ZNF385D: variants seen among roughly 807,000 people sequenced by gnomAD.
The protein encoded by ZNF385D is zinc finger protein 385D.
A neutral mutation model predicts 35.8 loss-of-function variants in ZNF385D; 15 were observed. The observed-to-expected ratio is 0.42, with a 90% CI of 0.28 to 0.64. The LOEUF is 0.64. Among genes scored for constraint, ZNF385D ranks in the 30% least tolerant of loss-of-function variants. The pLI is 0.23. For synonymous variants in ZNF385D, 212 were observed against 186.8 expected, an observed-to-expected ratio of 1.13 and a Z score of -1.10; for missense variants, 474 against 494.6, an observed-to-expected ratio of 0.96 and a Z score of 0.39.
upstream of ZNF385D, among the ~76,000 whole-genome samples, chr3:21,755,658 G>A (rs781190933): frequency 6.6e-6 from 1 of 152,102 alleles, no homozygotes; most frequent in East Asian, 1.9e-4. Context: ...AACTTAGTGT[G>A]GGAATTTGCC....
chr3:22,163,995 A>G (rs867390115), intron 3 of ZNF385D, among the ~76,000 whole-genome samples: 1 of 152,192 alleles, frequency 6.6e-6, no homozygotes. Context: ...ACCACTAATA[A>G]CTGTGTAAGG....
At chr3:21,781,899 G>A (rs963397779) in intron 3 of ZNF385D, among the ~76,000 whole-genome samples, 4 of 152,004 alleles carry the variant, frequency 2.6e-5, no homozygotes, top group African/African-American at 9.7e-5. Flanking sequence ...TTAAGTGAAA[G>A]CTCAAAGGGC....
intron 2 of ZNF385D, among the ~76,000 whole-genome samples, chr3:22,312,909 C>A (rs1257707120): frequency 7.9e-6 from 1 of 127,192 alleles, no homozygotes; most frequent in Admixed American, 7.8e-5. Context: ...TGGGTATATA[C>A]CCAAAGGACT....
At chr3:21,657,198 A>G (rs6762678) in intron 2 of ZNF385D, among the ~76,000 whole-genome samples, 18,756 of 151,942 alleles carry the variant, frequency 0.12, 1,291 homozygotes, top group East Asian at 0.16. Flanking sequence ...TTAAGAGAGA[A>G]CTAAGTTGCA....
intron 4 of ZNF385D, among the ~76,000 whole-genome samples, chr3:21,442,689 TA>T (rs1480818334): frequency 2.8e-5 from 4 of 145,436 alleles, no homozygotes; most frequent in Non-Finnish European, 6.0e-5. Flanking sequence ...TCTTGTAAAA[TA>T]AAAAAAGTTC....
At chr3:21,908,377 G>C (rs964504746) in intron 3 of ZNF385D, among the ~76,000 whole-genome samples, 1 of 152,038 alleles carries the variant, frequency 6.6e-6, no homozygotes, top group South Asian at 2.1e-4. Context: ...TATTGAGATT[G>C]GTATTATGCT....
chr3:22,364,110 C>G (rs1696541923), intron 2 of ZNF385D, among the ~76,000 whole-genome samples: 2 of 151,962 alleles, frequency 1.3e-5, no homozygotes, highest in African/African-American at 4.8e-5. Flanking sequence ...ATTCTAGGCT[C>G]TTATTTTTTT....
At chr3:21,489,227 C>G (rs1047092379) in intron 4 of ZNF385D, among the ~76,000 whole-genome samples, 3 of 152,062 alleles carry the variant, frequency 2.0e-5, no homozygotes, top group East Asian at 3.9e-4. Context: ...AGAGTCTACA[C>G]GGTCCAGGAA....
chr3:21,697,361 G>C (rs2067507490), intron 1 of ZNF385D, among the ~76,000 whole-genome samples: 1 of 152,142 alleles, frequency 6.6e-6, no homozygotes, highest in Non-Finnish European at 1.5e-5. Context: ...ATAGTGGTAA[G>C]TTGAATTCTG....
chr3:21,883,070 A>AC (rs1698360434), intron 3 of ZNF385D, among the ~76,000 whole-genome samples: 1 of 151,986 alleles, frequency 6.6e-6, no homozygotes, highest in Non-Finnish European at 1.5e-5. Context: ...TTTGTCTCCT[A>AC]CCACTTTAAG....
intron 1 of ZNF385D, among the ~76,000 whole-genome samples, chr3:21,680,643 C>A (rs2066869749): frequency 1.3e-5 from 2 of 152,156 alleles, no homozygotes; most frequent in Non-Finnish European, 2.9e-5. Context: ...GGACTAGAAT[C>A]ATGGCCATTC....
intron 3 of ZNF385D, among the ~76,000 whole-genome samples, chr3:21,837,329 C>G (rs1052614764): frequency 6.6e-6 from 1 of 152,052 alleles, no homozygotes; most frequent in African/African-American, 2.4e-5. Flanking sequence ...GGGTTGTCTG[C>G]AAGGTCCTTG....
intron 3 of ZNF385D, among the ~76,000 whole-genome samples, chr3:22,037,413 G>A (rs1227567857): frequency 6.6e-6 from 1 of 151,942 alleles, no homozygotes; most frequent in African/African-American, 2.4e-5. Flanking sequence ...TCTAACTGGT[G>A]TGAGATGGTA....
intron 2 of ZNF385D, among the ~76,000 whole-genome samples, chr3:21,574,709 A>T (rs1483315272): frequency 1.3e-5 from 2 of 152,146 alleles, no homozygotes; most frequent in Admixed American, 1.3e-4. Context: ...ATGAAATAAG[A>T]TTGGTCCTGA....
chr3:21,590,875 C>T (rs2063954901), intron 2 of ZNF385D, among the ~76,000 whole-genome samples: 1 of 151,862 alleles, frequency 6.6e-6, no homozygotes, highest in African/African-American at 2.4e-5. Context: ...ACATGCTGGA[C>T]CTGGTAACCG....
intron 2 of ZNF385D, among the ~76,000 whole-genome samples, chr3:22,221,919 A>C (rs1012267365): frequency 2.6e-5 from 4 of 152,140 alleles, no homozygotes; most frequent in African/African-American, 9.7e-5. Context: ...GCATACAGAG[A>C]AACCATAGGT....
chr3:21,722,980 A>G lies in ZNF385D; in HGVS notation c.22+27915T>C, dbSNP rs1425641691. On this transcript the variant is annotated intron_variant, in intron 1 of 7. Coordinates refer to ENST00000281523, the MANE Select transcript of ZNF385D (RefSeq NM_024697.3). ...TACAGCTCTTTGAGTCCTAGCTCAC[A>G]TATTTGTCACCCAGCCATGTGCTTC... is the stretch of plus-strand genomic sequence containing the variant. Among the ~76,000 whole-genome samples, 3 of 152,304 alleles carry G rather than the reference A, an allele frequency of 2.0e-5. No homozygotes were observed. In the South Asian group the frequency reaches 6.2e-4, roughly 32 times the overall value.
chr3:21,813,012 A>C, intron 3 of ZNF385D, among the ~76,000 whole-genome samples: 1 of 152,178 alleles, frequency 6.6e-6, no homozygotes, highest in African/African-American at 2.4e-5. Flanking sequence ...AGGAAGCATC[A>C]GGCAGCAACA....
intron 1 of ZNF385D, among the ~76,000 whole-genome samples, chr3:21,710,059 T>G (rs1005044976): frequency 6.6e-6 from 1 of 152,176 alleles, no homozygotes; most frequent in African/African-American, 2.4e-5. Context: ...TACTCTATCA[T>G]GGCTTCAATT....
Sources: gnomAD v4.1 joint callset for allele counts (sites outside exome capture counted in the v4.1 genomes callset) on GRCh38, gnomAD v4.1.1 for gene constraint, MANE v1.5 for transcripts, NCBI Gene and HGNC (gene_info 2026-07-23, HGNC 2026-07-21) for gene names.